The following TLE2 variants were observed in gnomAD, a reference collection of about 807,000 sequenced individuals.
TLE2 encodes the protein TLE family member 2, transcriptional corepressor, also known as transducin-like enhancer protein 2.
TLE2 carries 74 observed loss-of-function variants against 97.2 expected under a neutral mutation model. The observed-to-expected ratio is 0.76, with a 90% CI of 0.63 to 0.92. The LOEUF (loss-of-function observed/expected upper bound fraction) is 0.92. Ranked by LOEUF, TLE2 falls within the 40% of genes least tolerant of loss-of-function variation. TLE2 has a pLI of 0.00. For missense variants in TLE2, 1,038 were observed against 1,008.7 expected, an observed-to-expected ratio of 1.03 and a Z score of -0.39; for synonymous variants, 499 against 432.1, an observed-to-expected ratio of 1.15 and a Z score of -1.92.
intron 4 of TLE2, chr19:3,025,720 C>T (rs2089932125): frequency 5.5e-6 from 3 of 550,174 alleles, no homozygotes; most frequent in Non-Finnish European, 6.9e-6. Context: ...TTGCCTCTGC[C>T]TGAGTTACAG....
At chr19:3,008,976 G>A in intron 13 of TLE2, 31 bp from the exon 14 acceptor site, 1 of 1,535,112 alleles carries the variant, frequency 6.5e-7, no homozygotes, top group Non-Finnish European at 8.8e-7. Flanking sequence ...TGTCAGTGAG[G>A]CAGGTGACTC....
chr19:2,997,698 G>A lies in TLE2; in HGVS notation c.*150C>T. 1 of 603,630 alleles carries A rather than the reference G, an allele frequency of 1.7e-6. No homozygotes were observed. The allele number at this position is 603,630 out of a possible 1,614,324, so 37.4% of individuals were successfully genotyped here. On this transcript the variant is annotated 3_prime_UTR_variant, in exon 20 of 20. Transcript: ENST00000262953. ...GTCCCCTGCCCATCGGCCCCCACAT[G>A]CAGCAGGGGAAGGTGTGAAGCCGTT...
upstream of TLE2, among the ~76,000 whole-genome samples, chr19:3,031,406 A>G (rs1416160581): frequency 6.8e-6 from 1 of 148,086 alleles, no homozygotes; most frequent in Non-Finnish European, 1.5e-5. Context: ...CTAGCTCCCT[A>G]TTGCCCTCAA....
At chr19:3,003,340 T>C (rs544696014) in intron 17 of TLE2, among the ~76,000 whole-genome samples, 3 of 152,156 alleles carry the variant, frequency 2.0e-5, no homozygotes, top group South Asian at 4.1e-4. Flanking sequence ...AGCAAGACTA[T>C]GAAAGACCAG....
At chr19:3,032,617 T>A (rs1256719388), upstream of TLE2, among the ~76,000 whole-genome samples, 1 of 152,140 alleles carries the variant, frequency 6.6e-6, no homozygotes, top group Non-Finnish European at 1.5e-5. The surrounding 1 kb of genome is among the most constrained non-coding windows in gnomAD (Gnocchi z 4.1). Context: ...CGAAGAAGGC[T>A]GTGGAGGGAC....
chr19:3,005,744 G>A lies in TLE2; in HGVS notation c.1725C>T (p.Asp575=). The A allele has an allele frequency of 6.2e-7, 1 of 1,613,858 alleles. No homozygotes were observed. The highest frequency in any genetic ancestry group is 8.5e-7 in the Non-Finnish European group (1 of 1,179,818). The change falls in exon 16 of 20, where the codon GAC becomes GAT. Residue 575 remains aspartate (D), a synonymous_variant. Coordinates refer to ENST00000262953, the MANE Select transcript of TLE2 (RefSeq NM_003260.5). The part of the protein sequence containing the change: ...CCSDGNIVVW[D]LQNQTMVRQF... Reference sequence around the variant, plus strand: ...ACCTGACCATAGTCTGATTCTGCAGGTCCCAGACCACAATGTTGCCATCGC... The same window carrying A: ...ACCTGACCATAGTCTGATTCTGCAGATCCCAGACCACAATGTTGCCATCGC...
intron 17 of TLE2, among the ~76,000 whole-genome samples, chr19:3,003,490 T>C (rs995512859): frequency 6.6e-6 from 1 of 151,882 alleles, no homozygotes; most frequent in Admixed American, 6.6e-5. Flanking sequence ...ATGCAAAAAT[T>C]AGCTGGGCGT....
In TLE2 at chr19:3,029,196, T is replaced by G; in HGVS notation, c.-292A>C. ...CGGCCGCGGCAGCCGGCGCAGAAGG[T>G]CGGGCGCGCCGCGGCCGGGTTTCGG... is the stretch of plus-strand genomic sequence containing the variant. On this transcript the variant is annotated 5_prime_UTR_variant, in exon 1 of 20. Transcript: ENST00000262953. The G allele has an allele frequency of 1.8e-6, 1 of 571,182 alleles. No homozygotes were observed. Among genetic ancestry groups the G allele is most frequent in the Non-Finnish European group, 2.2e-6 (1 of 456,716 alleles). 35.4% of individuals were successfully genotyped at this position (571,182 alleles called of 1,614,324 possible).
chr19:3,014,501 C>T (rs1427638967), intron 10 of TLE2, 69 bp downstream of exon 10: 1 of 1,408,546 alleles, frequency 7.1e-7, no homozygotes, highest in Admixed American at 2.5e-5. Flanking sequence ...TCTGGGTCCT[C>T]CCAGTCCAGA....
intron 10 of TLE2, 62 bp downstream of exon 10, chr19:3,014,508 C>A: frequency 6.9e-7 from 1 of 1,440,392 alleles, no homozygotes; most frequent in South Asian, 1.5e-5. Context: ...CCTCCCAGTC[C>A]AGAAAACCCA....
rs1365746502 is a variant in TLE2 at position 3,006,422 on chromosome 19, G to C, written c.1498C>G (p.Leu500Val). Residue 500 changes from leucine (L) to valine (V), a missense_variant and splice_region_variant, in exon 15 of 20, where the codon CTG becomes GTG. Transcript: ENST00000262953. Reference sequence around the variant, plus strand: ...CCACTGTCCCACCCCGCCCTCACCAGGCAGTCGAGCTGGGCCACGGGCGTC... The same window carrying C: ...CCACTGTCCCACCCCGCCCTCACCACGCAGTCGAGCTGGGCCACGGGCGTC... ...AKTPVAQLDC[L>V]NRDNYIRSCK... 6.2e-7 allele frequency: 1 copy of C among 1,609,748 alleles called. No individual in the cohort carries two copies. The highest frequency in any genetic ancestry group is 1.7e-5 in the Admixed American group (1 of 59,946).
At chr19:3,040,200 C>G (rs10427056) in intron 1 of TLE2, among the ~76,000 whole-genome samples, 35 of 152,084 alleles carry the variant, frequency 2.3e-4, no homozygotes, top group African/African-American at 7.3e-4. Context: ...ACTCCCGTCT[C>G]TATCTCCACC....
intron 14 of TLE2, among the ~76,000 whole-genome samples, chr19:3,008,153 G>A (rs72988909): frequency 0.056 from 8,484 of 152,278 alleles, 334 homozygotes; most frequent in South Asian, 0.091. Flanking sequence ...AGTACTGAAA[G>A]CCACGCCCAG....
intron 18 of TLE2, 79 bp from the exon 19 acceptor site, chr19:3,000,802 T>G: frequency 1.0e-6 from 1 of 984,264 alleles, no homozygotes; most frequent in East Asian, 2.7e-5. Context: ...TCGGGGAAGC[T>G]GGGTCTGGGT....
intron 1 of TLE2, among the ~76,000 whole-genome samples, chr19:3,041,065 C>T (rs1184081032): frequency 7.5e-5 from 7 of 93,852 alleles, no homozygotes; most frequent in Admixed American, 4.5e-4. Flanking sequence ...CTTATTCTGT[C>T]GCCCAGACTG....
chr19:3,037,193 G>A (rs1301901328), intron 1 of TLE2, among the ~76,000 whole-genome samples: 2 of 152,208 alleles, frequency 1.3e-5, no homozygotes, highest in East Asian at 1.9e-4. Flanking sequence ...ACTGAGGCAG[G>A]AGAATTGCTT....
At chr19:3,010,954 C>G in intron 12 of TLE2, 68 bp downstream of exon 12, 1 of 1,532,224 alleles carries the variant, frequency 6.5e-7, no homozygotes. Flanking sequence ...GCCTCTCCAG[C>G]CCCTTTTCCT....
rs373033336 is a variant in TLE2, at chr19:3,019,264, C to T, written c.550+19G>A. The T allele has an allele frequency of 1.9e-6, 3 of 1,565,522 alleles. No homozygotes were observed. The highest frequency in any genetic ancestry group is 1.4e-5 in the African/African-American group (1 of 73,838). On this transcript the variant is annotated intron_variant, in intron 7 of 19. Coordinates refer to ENST00000262953, the MANE Select transcript of TLE2 (RefSeq NM_003260.5). The surrounding 1 kb of genome is among the most constrained non-coding windows in gnomAD (Gnocchi z 5.1). ...AGCCCCGTCTCCCCAGCCAATGCCA[C>T]CCCGTGCTGCCCACTCACCTCTGGA...
chr19:3,017,748 G>A (rs936441969), intron 8 of TLE2, 92 bp downstream of exon 8: 14 of 1,251,802 alleles, frequency 1.1e-5, no homozygotes, highest in East Asian at 1.0e-4. Context: ...CACCATGATC[G>A]ACCTAGGTCT....
Sources: gnomAD v4.1 joint callset for allele counts (sites outside exome capture counted in the v4.1 genomes callset) on GRCh38, gnomAD v4.1.1 for gene constraint, Gnocchi (gnomAD v3.1) non-coding constraint, MANE v1.5 for transcripts, NCBI Gene and HGNC (gene_info 2026-07-23, HGNC 2026-07-21) for gene names.